The following PHF21B variants were observed in gnomAD, a reference collection of about 807,000 sequenced individuals.
The protein encoded by PHF21B is PHD finger protein 21B, also known as PHD finger protein 4.
In PHF21B, 22 loss-of-function variants were observed where a neutral mutation model predicts 62.2. That is an observed-to-expected ratio of 0.35 (90% CI 0.25 to 0.51). PHF21B has a LOEUF of 0.51. PHF21B is among the 20% of genes least tolerant of loss of function. The pLI is 0.97. For missense variants in PHF21B, 701 were observed against 707.9 expected, an observed-to-expected ratio of 0.99 and a Z score of 0.11; for synonymous variants, 341 against 314.7, an observed-to-expected ratio of 1.08 and a Z score of -0.88.
At chr22:44,960,890 G>A (rs2072404631) in intron 2 of PHF21B, among the ~76,000 whole-genome samples, 1 of 151,368 alleles carries the variant, frequency 6.6e-6, no homozygotes, top group Non-Finnish European at 1.5e-5. Flanking sequence ...ACTCTTCAGG[G>A]TCTCCAGCTT....
intron 2 of PHF21B, among the ~76,000 whole-genome samples, chr22:44,980,828 C>T (rs75570215): frequency 0.011 from 1,624 of 152,320 alleles, 23 homozygotes; most frequent in African/African-American, 0.037. Flanking sequence ...ATGCCCTCTC[C>T]GTCTAACCCG....
chr22:44,898,397 C>T (rs1247557529), intron 5 of PHF21B, among the ~76,000 whole-genome samples: 1 of 152,106 alleles, frequency 6.6e-6, no homozygotes, highest in Non-Finnish European at 1.5e-5. Context: ...CTGCTGGTGA[C>T]CCTGGTCACT....
chr22:44,926,546 C>G (rs965473561), intron 2 of PHF21B, among the ~76,000 whole-genome samples: 1 of 152,226 alleles, frequency 6.6e-6, no homozygotes, highest in African/African-American at 2.4e-5. Context: ...TCCAAGCCCA[C>G]ATGTGCCTCT....
At chr22:44,888,284 G>A (rs902629925) in intron 9 of PHF21B, among the ~76,000 whole-genome samples, 163 bp from the exon 10 acceptor site, 11 of 152,208 alleles carry the variant, frequency 7.2e-5, no homozygotes, top group African/African-American at 2.2e-4. Flanking sequence ...AACCCTGGAG[G>A]GCGACAGTGT....
chr22:44,954,080 A>C (rs2072246812), intron 2 of PHF21B, among the ~76,000 whole-genome samples: 1 of 152,186 alleles, frequency 6.6e-6, no homozygotes, highest in Admixed American at 6.5e-5. Flanking sequence ...TGGCCCTGAG[A>C]GGATCCAGGT....
chr22:44,888,837 G>A (rs2070908470), intron 9 of PHF21B, among the ~76,000 whole-genome samples: 1 of 152,144 alleles, frequency 6.6e-6, no homozygotes, highest in South Asian at 2.1e-4. Flanking sequence ...ACAGGGAGGG[G>A]GAGGCAGTTA....
intron 7 of PHF21B, 136 bp downstream of exon 7, chr22:44,893,321 C>T: frequency 1.4e-6 from 1 of 738,546 alleles, no homozygotes; most frequent in Non-Finnish European, 2.2e-6. Context: ...CGGTCACCCC[C>T]CAGCCCCACT....
chr22:44,968,542 G>A (rs2072575156), intron 2 of PHF21B, among the ~76,000 whole-genome samples: 1 of 151,714 alleles, frequency 6.6e-6, no homozygotes, highest in Admixed American at 6.6e-5. Flanking sequence ...TACTCAGGAG[G>A]CTGAGGCAGA....
chr22:44,993,396 C>T (rs1046175499), intron 2 of PHF21B, among the ~76,000 whole-genome samples: 1 of 152,200 alleles, frequency 6.6e-6, no homozygotes, highest in African/African-American at 2.4e-5. Flanking sequence ...AGAGGCCTAT[C>T]CACGCTCATC....
chr22:44,955,566 C>G (rs1383250273), intron 2 of PHF21B, among the ~76,000 whole-genome samples: 6 of 152,184 alleles, frequency 3.9e-5, no homozygotes, highest in African/African-American at 1.4e-4. Context: ...AACAAAAAGG[C>G]GGGGAAGGGT....
At chr22:44,909,207 T>A (rs2071303629) in intron 5 of PHF21B, among the ~76,000 whole-genome samples, 1 of 152,258 alleles carries the variant, frequency 6.6e-6, no homozygotes, top group African/African-American at 2.4e-5. Context: ...AATTATGTAA[T>A]TAGATGTAAT....
At chr22:44,943,919 C>T (rs925353342) in intron 2 of PHF21B, among the ~76,000 whole-genome samples, 2 of 152,190 alleles carry the variant, frequency 1.3e-5, no homozygotes, top group Admixed American at 1.3e-4. Flanking sequence ...ATGAAAACCC[C>T]CAGGCCTGGC....
intron 5 of PHF21B, among the ~76,000 whole-genome samples, chr22:44,906,731 T>A (rs189224045): frequency 2.6e-5 from 4 of 152,312 alleles, no homozygotes; most frequent in East Asian, 3.9e-4. Context: ...GAGCCTCAGC[T>A]TCCTCGTCTG....
intron 2 of PHF21B, among the ~76,000 whole-genome samples, chr22:44,997,780 T>A (rs900034788): frequency 6.6e-6 from 1 of 152,220 alleles, no homozygotes; most frequent in Non-Finnish European, 1.5e-5. Flanking sequence ...CCTTTTCTTT[T>A]GCCTGGGGTA....
chr22:44,990,805 A>G (rs1412837909), intron 2 of PHF21B, among the ~76,000 whole-genome samples: 1 of 152,236 alleles, frequency 6.6e-6, no homozygotes, highest in Non-Finnish European at 1.5e-5. Context: ...GGCACTTAAA[A>G]ATGGTGAAGA....
intron 6 of PHF21B, 64 bp downstream of exon 6, chr22:44,895,968 C>T (rs373608411): frequency 1.9e-6 from 3 of 1,582,302 alleles, no homozygotes; most frequent in African/African-American, 2.7e-5. Flanking sequence ...CACACCTGGC[C>T]CCCAACACCC....
At chr22:44,997,367 T>C (rs2073140407) in intron 2 of PHF21B, among the ~76,000 whole-genome samples, 1 of 152,166 alleles carries the variant, frequency 6.6e-6, no homozygotes, top group Non-Finnish European at 1.5e-5. Context: ...CCAGTAACTG[T>C]TCTGTCACCT....
chr22:44,893,839 G>A (rs111856105), intron 6 of PHF21B, among the ~76,000 whole-genome samples: 41 of 152,340 alleles, frequency 2.7e-4, no homozygotes, highest in Middle Eastern at 3.4e-3. Flanking sequence ...GCCCATGGCC[G>A]TTATTGGGGA....
intron 2 of PHF21B, among the ~76,000 whole-genome samples, chr22:44,945,511 A>G (rs1006002299): frequency 2.0e-5 from 3 of 152,146 alleles, no homozygotes; most frequent in Non-Finnish European, 4.4e-5. Flanking sequence ...GTTTCCCAGC[A>G]CAGTGCCCAC....
Sources: allele counts gnomAD v4.1 joint callset (sites outside exome capture counted in the v4.1 genomes callset), GRCh38; gene constraint gnomAD v4.1.1; transcripts MANE v1.5; gene names NCBI Gene and HGNC (gene_info 2026-07-23, HGNC 2026-07-21).